The following CHSY3 variants were observed in gnomAD, a reference collection of about 807,000 sequenced individuals.
CHSY3 encodes the protein N-acetylgalactosaminyl-proteoglycan 3-beta-glucuronosyltransferase 3.
CHSY3 carries 35 observed loss-of-function variants against 67.2 expected under a neutral mutation model. The observed-to-expected ratio is 0.52, with a 90% CI of 0.40 to 0.69. The LOEUF (loss-of-function observed/expected upper bound fraction) is 0.69, where lower values mean the gene tolerates loss of function less well. CHSY3 is among the 30% of genes least tolerant of loss of function. The pLI, the probability that CHSY3 is intolerant of heterozygous loss-of-function variation, is 0.00. For synonymous variants in CHSY3, 474 were observed against 434.7 expected (o/e 1.09, Z -1.12); for missense variants, 1,069 against 1,138.5 (o/e 0.94, Z 0.88).
intron 2 of CHSY3, among the ~76,000 whole-genome samples, chr5:130,079,055 A>G (rs762817336): frequency 1.3e-5 from 2 of 152,188 alleles, no homozygotes; most frequent in Non-Finnish European, 2.9e-5. Context: ...GAAAGATTCC[A>G]GCAAATATCA....
At position 130,145,383 on chromosome 5, in the gene CHSY3, T is replaced by G. The variant is rs149640810; in HGVS notation, c.1087-38846T>G. ...TTCAATAAATGTTGCTGGGAAAATT[T>G]GATATCCACATGCAGAAGAATGAGG... is the stretch of plus-strand genomic sequence containing the variant. On this transcript the variant is annotated intron_variant, in intron 2 of 2. Coordinates refer to ENST00000305031, the MANE Select transcript of CHSY3 (RefSeq NM_175856.5). Among the ~76,000 whole-genome samples the G allele has an allele frequency of 2.1e-3, 323 of 152,308 alleles. 6 individuals carry two copies. In the South Asian group the frequency reaches 0.035, roughly 17 times the overall value.
At chr5:130,178,227 T>TTTTATATATATATATATATATATA (rs1229158340) in intron 2 of CHSY3, among the ~76,000 whole-genome samples, 1 of 65,838 alleles carries the variant, frequency 1.5e-5, no homozygotes, top group African/African-American at 6.6e-5. Context: ...ATATTTATAT[T>TTTTATATATATATATATATATATA]TATATATATA....
At chr5:129,974,728 A>G (rs1425693402) in intron 2 of CHSY3, among the ~76,000 whole-genome samples, 1 of 152,160 alleles carries the variant, frequency 6.6e-6, no homozygotes, top group African/African-American at 2.4e-5. Context: ...GCAGCACAGC[A>G]CATTGAAAAT....
At chr5:130,077,839 A>T (rs562726767) in intron 2 of CHSY3, among the ~76,000 whole-genome samples, 2 of 151,908 alleles carry the variant, frequency 1.3e-5, no homozygotes, top group African/African-American at 4.8e-5. Context: ...ACATACATTT[A>T]TATATATTCT....
At chr5:129,962,485 G>T (rs1052419325) in intron 2 of CHSY3, among the ~76,000 whole-genome samples, 13 of 151,986 alleles carry the variant, frequency 8.6e-5, no homozygotes, top group African/African-American at 2.7e-4. Flanking sequence ...CTGATTTGCA[G>T]CTGTATTTAT....
intron 2 of CHSY3, among the ~76,000 whole-genome samples, chr5:129,943,487 G>T (rs1362919971): frequency 6.6e-6 from 1 of 152,184 alleles, no homozygotes; most frequent in Non-Finnish European, 1.5e-5. Context: ...AATATGTGTA[G>T]ATAAAACTAT....
chr5:130,083,515 G>A (rs1224572749), intron 2 of CHSY3, among the ~76,000 whole-genome samples: 2 of 151,924 alleles, frequency 1.3e-5, no homozygotes, highest in Non-Finnish European at 2.9e-5. Context: ...TCATTACCTA[G>A]CCATAAATAT....
intron 2 of CHSY3, among the ~76,000 whole-genome samples, chr5:130,062,805 A>G (rs980247478): frequency 1.3e-5 from 2 of 152,110 alleles, no homozygotes; most frequent in African/African-American, 4.8e-5. Flanking sequence ...CAAGCTATTT[A>G]TATATCAGAC....
rs547145675 is a variant in CHSY3 at position 129,988,167 on chromosome 5, C to T, written c.1086+79807C>T. Among the ~76,000 whole-genome samples the T allele has an allele frequency of 5.5e-4, 84 of 152,242 alleles. 1 individual carries two copies. Among genetic ancestry groups the T allele is most frequent in the African/African-American group, 2.0e-3 (83 of 41,566 alleles). The stretch of plus-strand genomic sequence containing the variant: ...TTCCTGGCCCAGAGAAATGTACTCT[C>T]TTTACAATGACATATTGTTCCCTGA... On this transcript the variant is annotated intron_variant, in intron 2 of 2. Coordinates refer to ENST00000305031, the MANE Select transcript of CHSY3 (RefSeq NM_175856.5).
At chr5:130,097,634 T>C (rs1383736607) in intron 2 of CHSY3, among the ~76,000 whole-genome samples, 2 of 152,216 alleles carry the variant, frequency 1.3e-5, no homozygotes, top group Non-Finnish European at 2.9e-5. Flanking sequence ...TGTAACTACG[T>C]GTTAAGATGT....
chr5:130,095,117 T>A (rs1276586476), intron 2 of CHSY3, among the ~76,000 whole-genome samples: 2 of 152,080 alleles, frequency 1.3e-5, no homozygotes, highest in Non-Finnish European at 2.9e-5. Flanking sequence ...TATACACACA[T>A]AGAGGAATAG....
intron 2 of CHSY3, among the ~76,000 whole-genome samples, chr5:130,152,506 TA>T (rs1371254439): frequency 2.0e-5 from 3 of 152,220 alleles, no homozygotes; most frequent in Non-Finnish European, 1.5e-5. Flanking sequence ...ACAGAGTATT[TA>T]AAACTTTTCC....
chr5:130,115,226 G>T (rs1767752331), intron 2 of CHSY3, among the ~76,000 whole-genome samples: 1 of 151,618 alleles, frequency 6.6e-6, no homozygotes. Flanking sequence ...AAGGTTTATA[G>T]TTCTTTTTTC....
chr5:130,018,211 A>G (rs1764267907), intron 2 of CHSY3, among the ~76,000 whole-genome samples: 1 of 145,830 alleles, frequency 6.9e-6, no homozygotes, highest in Admixed American at 6.7e-5. Context: ...TATTTTTTAC[A>G]AAAAAAGTCC....
At position 129,904,945 on chromosome 5, in the gene CHSY3, G is replaced by C; in HGVS notation, c.116G>C (p.Arg39Thr). 1 of 1,556,068 alleles carries C rather than the reference G, an allele frequency of 6.4e-7. No individual in the cohort carries two copies. The highest frequency in any genetic ancestry group is 1.8e-4 in the Middle Eastern group (1 of 5,570). ...GTGGCGGAGCTGAGCGAGAGGAAGA[G>C]ACGTGGCTCCAGCCTCTGCTCCTAC... ...PRVAELSERK[R>T]RGSSLCSYYG... Residue 39 changes from arginine (R) to threonine (T), a missense_variant, in exon 1 of 3, where the codon AGA becomes ACA. Physicochemically the swap from Arg to Thr is moderately conservative, Grantham distance 71. Around this residue, in one of 5 missense-constraint regions of CHSY3, gnomAD observed 309 missense variants for 262.5 expected, o/e 1.18. Coordinates refer to ENST00000305031, the MANE Select transcript of CHSY3 (RefSeq NM_175856.5).
chr5:130,177,229 G>A (rs1353047144), intron 2 of CHSY3, among the ~76,000 whole-genome samples: 2 of 151,192 alleles, frequency 1.3e-5, no homozygotes, highest in Admixed American at 1.3e-4. Flanking sequence ...ATGTGTGTGT[G>A]TGTGTATATA....
At chr5:130,133,859 G>C (rs1371867647) in intron 2 of CHSY3, among the ~76,000 whole-genome samples, 1 of 144,432 alleles carries the variant, frequency 6.9e-6, no homozygotes, top group Non-Finnish European at 1.5e-5. Context: ...GTTTATGTTT[G>C]CTCCCAAACA....
chr5:129,996,242 C>G (rs2149634611), intron 2 of CHSY3, among the ~76,000 whole-genome samples: 1 of 152,238 alleles, frequency 6.6e-6, no homozygotes, highest in East Asian at 1.9e-4. Context: ...ACCTTGGAAC[C>G]TCACTTTTAA....
intron 2 of CHSY3, among the ~76,000 whole-genome samples, chr5:129,953,872 G>T (rs1479846332): frequency 6.6e-6 from 1 of 152,062 alleles, no homozygotes; most frequent in African/African-American, 2.4e-5. Flanking sequence ...GTAGATTCTG[G>T]ATATTAGCCC....
Sources: allele counts gnomAD v4.1 joint callset (sites outside exome capture counted in the v4.1 genomes callset), GRCh38; gene constraint gnomAD v4.1.1; regional missense constraint gnomAD v4.1.1; transcripts MANE v1.5; gene names NCBI Gene and HGNC (gene_info 2026-07-23, HGNC 2026-07-21).